The following HNMT variants were observed in gnomAD, a reference collection of about 807,000 sequenced individuals.
HNMT encodes histamine N-methyltransferase.
A neutral mutation model predicts 32.1 loss-of-function variants in HNMT; 30 were observed. That is an observed-to-expected ratio of 0.93 (90% CI 0.70 to 1.27). HNMT has a LOEUF of 1.27. HNMT is among the 50% of genes most tolerant of loss of function. The probability of loss-of-function intolerance (pLI) is 0.00; values close to 1 mark genes in which losing one functional copy is unlikely to be tolerated. For synonymous variants in HNMT, 125 were observed against 119.0 expected (o/e 1.05, Z -0.33); for missense variants, 327 against 346.0 (o/e 0.95, Z 0.43).
chr2:137,980,476 A>G (rs1680458502), intron 2 of HNMT, among the ~76,000 whole-genome samples: 1 of 152,224 alleles, frequency 6.6e-6, no homozygotes, highest in African/African-American at 2.4e-5. Flanking sequence ...AGTGAGGATG[A>G]TGCTGATCAA....
intron 2 of HNMT, among the ~76,000 whole-genome samples, chr2:137,980,772 G>A (rs1189563846): frequency 6.6e-6 from 1 of 152,012 alleles, no homozygotes; most frequent in Non-Finnish European, 1.5e-5. Context: ...AAACTCTACA[G>A]CTATTTTAAT....
At chr2:137,970,659 G>A (rs532392715) in intron 2 of HNMT, among the ~76,000 whole-genome samples, 1 of 152,080 alleles carries the variant, frequency 6.6e-6, no homozygotes, top group African/African-American at 2.4e-5. Context: ...GGTGGCTCAC[G>A]CCTGTAATCC....
chr2:137,990,214 T>G (rs1205496442), intron 2 of HNMT, among the ~76,000 whole-genome samples: 1 of 152,248 alleles, frequency 6.6e-6, no homozygotes, highest in Non-Finnish European at 1.5e-5. Context: ...TTTTACAGTT[T>G]TATGTTTTAC....
intron 2 of HNMT, among the ~76,000 whole-genome samples, chr2:137,996,281 CA>C (rs1448403830): frequency 6.6e-6 from 1 of 152,202 alleles, no homozygotes; most frequent in Non-Finnish European, 1.5e-5. Flanking sequence ...CCCATCATCT[CA>C]GCCTAAAAAC....
intron 2 of HNMT, among the ~76,000 whole-genome samples, chr2:137,978,945 A>C (rs968153574): frequency 7.1e-6 from 1 of 140,490 alleles, no homozygotes; most frequent in Non-Finnish European, 1.5e-5. Flanking sequence ...AAAATAGGTA[A>C]TCTATTATAT....
At chr2:137,992,210 G>T (rs916232174) in intron 2 of HNMT, among the ~76,000 whole-genome samples, 12 of 152,244 alleles carry the variant, frequency 7.9e-5, no homozygotes, top group African/African-American at 2.9e-4. Context: ...CCTGGAGGGA[G>T]GGGTGACCAG....
intron 4 of HNMT, among the ~76,000 whole-genome samples, chr2:138,004,445 C>T (rs1681273599): frequency 6.6e-6 from 1 of 151,952 alleles, no homozygotes; most frequent in Non-Finnish European, 1.5e-5. Flanking sequence ...GGGTGGGGTC[C>T]AAAGATGCAA....
At chr2:138,000,042 C>A (rs1411159116) in intron 2 of HNMT, among the ~76,000 whole-genome samples, 1 of 152,128 alleles carries the variant, frequency 6.6e-6, no homozygotes, top group South Asian at 2.1e-4. Context: ...CTTACACTAA[C>A]CCTTACAGGC....
intron 2 of HNMT, 71 bp downstream of exon 2, chr2:137,970,288 A>G (rs556147085): frequency 1.1e-6 from 1 of 876,004 alleles, no homozygotes; most frequent in Admixed American, 2.7e-5. Context: ...AATATTGTTC[A>G]TTTTTTAGGA....
At chr2:138,012,697 T>C (rs1312633451) in intron 5 of HNMT, among the ~76,000 whole-genome samples, 1 of 152,124 alleles carries the variant, frequency 6.6e-6, no homozygotes, top group Non-Finnish European at 1.5e-5. Flanking sequence ...AAACTGCTCG[T>C]CTTCATTCTT....
At chr2:138,003,001 G>A (rs1022028550) in intron 4 of HNMT, among the ~76,000 whole-genome samples, 1 of 148,726 alleles carries the variant, frequency 6.7e-6, no homozygotes, top group East Asian at 2.0e-4. Flanking sequence ...ACCAAACACC[G>A]CATATTCTCA....
At chr2:138,012,098 G>T (rs749518197) in intron 5 of HNMT, among the ~76,000 whole-genome samples, 18 of 152,066 alleles carry the variant, frequency 1.2e-4, no homozygotes, top group Non-Finnish European at 2.4e-4. Flanking sequence ...TCTCAAGAAT[G>T]CAATCAGTGG....
At chr2:138,009,840 C>T (rs1487827861) in intron 5 of HNMT, among the ~76,000 whole-genome samples, 3 of 152,042 alleles carry the variant, frequency 2.0e-5, no homozygotes, top group Admixed American at 2.0e-4. Context: ...ATCTACATCC[C>T]TCCTTACCCC....
chr2:137,985,652 T>C (rs1346123731), intron 2 of HNMT, among the ~76,000 whole-genome samples: 2 of 152,218 alleles, frequency 1.3e-5, no homozygotes, highest in Non-Finnish European at 2.9e-5. Context: ...AAATTTCATT[T>C]TGTAGCCTCT....
At chr2:137,976,192 G>A (rs1289677051) in intron 2 of HNMT, among the ~76,000 whole-genome samples, 7 of 151,848 alleles carry the variant, frequency 4.6e-5, no homozygotes, top group Non-Finnish European at 5.9e-5. Context: ...CTTGAACCTG[G>A]GAGGAGGAGG....
At chr2:137,999,918 TAAA>T (rs5834599) in intron 2 of HNMT, among the ~76,000 whole-genome samples, 5 of 148,402 alleles carry the variant, frequency 3.4e-5, no homozygotes, top group African/African-American at 9.8e-5. Context: ...ATTTTTCTAA[TAAA>T]AAAAAAAAAG....
In HNMT at chr2:137,970,642, T is replaced by C. The variant is rs777188081; in HGVS notation, c.190+425T>C. 1.1e-4 allele frequency among the ~76,000 whole-genome samples: 16 copies of C among 152,210 alleles called. No homozygotes were observed. In the East Asian group the frequency reaches 1.9e-3, roughly 18 times the overall value. ...AAGATCTGAAATGTGCACAGGAGGC[T>C]GGGCGCGGTGGCTCACGCCTGTAAT... On this transcript the variant is annotated intron_variant, in intron 2 of 5. Transcript: ENST00000280097.
intron 2 of HNMT, among the ~76,000 whole-genome samples, chr2:137,987,151 T>G (rs1174301696): frequency 2.0e-5 from 3 of 152,178 alleles, no homozygotes; most frequent in African/African-American, 7.2e-5. Flanking sequence ...AATAGGGCTT[T>G]TGTTAACCCA....
At chr2:137,967,228 T>A in intron 1 of HNMT, 1 of 685,908 alleles carries the variant, frequency 1.5e-6, no homozygotes, top group Non-Finnish European at 2.7e-6. Context: ...CTGGGCAACA[T>A]AGCAAGATCC....
Sources: allele counts gnomAD v4.1 joint callset (sites outside exome capture counted in the v4.1 genomes callset), GRCh38; gene constraint gnomAD v4.1.1; transcripts MANE v1.5; gene names NCBI Gene and HGNC (gene_info 2026-07-23, HGNC 2026-07-21).